The following TMCO4 variants were observed in gnomAD, a reference collection of about 807,000 sequenced individuals.
TMCO4 encodes transmembrane and coiled-coil domain-containing protein 4.
Under a neutral mutation model 64.7 loss-of-function variants are expected in TMCO4, and 58 were observed. The ratio of observed to expected loss-of-function variants is 0.90; its 90% CI spans 0.73 to 1.12. The LOEUF is 1.12. TMCO4 is among the 50% of genes most tolerant of loss of function. The pLI is 0.00. For synonymous variants in TMCO4, 325 were observed against 346.1 expected, an observed-to-expected ratio of 0.94 and a Z score of 0.68; for missense variants, 780 against 825.9, an observed-to-expected ratio of 0.94 and a Z score of 0.68.
intron 4 of TMCO4, among the ~76,000 whole-genome samples, chr1:19,774,354 A>G (rs1018709787): frequency 2.6e-5 from 4 of 152,160 alleles, no homozygotes; most frequent in African/African-American, 9.7e-5. Context: ...CTCTACCATG[A>G]GCTGTGTGAT....
chr1:19,690,517 G>C (rs571790212), intron 15 of TMCO4, among the ~76,000 whole-genome samples: 129 of 152,362 alleles, frequency 8.5e-4, no homozygotes, highest in Admixed American at 2.5e-3. Context: ...TCGGTGTTTG[G>C]AGTGGTCAGC....
rs746922966 is a variant in TMCO4, at chr1:19,734,061, C to T, written c.1264+3311G>A. Reference sequence around the variant, plus strand: ...GTGTGCTGTGTGGTTACTACTACTACTATTATCATCATTATTATTGGAGGG... The same window carrying T: ...GTGTGCTGTGTGGTTACTACTACTATTATTATCATCATTATTATTGGAGGG... On this transcript the variant is annotated intron_variant, in intron 13 of 15. Transcript: ENST00000294543. The surrounding 1 kb of genome is among the most constrained non-coding windows in gnomAD (Gnocchi z 4.4). 6.6e-6 allele frequency among the ~76,000 whole-genome samples: 1 copy of T among 152,152 alleles called. No homozygotes were observed. The highest frequency in any genetic ancestry group is 1.5e-5 in the Non-Finnish European group (1 of 68,030).
In TMCO4 at chr1:19,700,769, T is replaced by G; in HGVS notation, c.1381A>C (p.Arg461=). 3 of 1,613,790 alleles carry G rather than the reference T, an allele frequency of 1.9e-6. No homozygotes were observed. Among genetic ancestry groups the G allele is most frequent in the Non-Finnish European group, 2.5e-6 (3 of 1,179,640 alleles). ...CGCTGGCACGAGGTTTGGACAGACCTGCAGTAGCCGTTGATGATCCTCCCG... is the reference window on the plus strand; with the variant it reads ...CGCTGGCACGAGGTTTGGACAGACCGGCAGTAGCCGTTGATGATCCTCCCG... The part of the protein sequence containing the change: ...VSGRIINGYC[R]GDWLLSFVYR... Residue 461 remains arginine (R), a splice_region_variant and synonymous_variant, in exon 14 of 16, where the codon AGG becomes CGG. Coordinates refer to ENST00000294543, the MANE Select transcript of TMCO4 (RefSeq NM_181719.7).
chr1:19,757,156 T>TG (rs201093840), intron 6 of TMCO4, among the ~76,000 whole-genome samples: 14,419 of 100,556 alleles, frequency 0.14, 1,405 homozygotes, highest in East Asian at 0.32. Context: ...CCAGGCGTGG[T>TG]GGCGGGGGGG....
intron 13 of TMCO4, among the ~76,000 whole-genome samples, chr1:19,733,582 G>A (rs1240177497): frequency 6.6e-6 from 1 of 152,198 alleles, no homozygotes; most frequent in Non-Finnish European, 1.5e-5. Context: ...AATTGCCCAG[G>A]GGAGCTATTT....
intron 6 of TMCO4, 114 bp from the exon 7 acceptor site, chr1:19,755,880 T>C (rs1367173762): frequency 5.8e-6 from 7 of 1,200,722 alleles, no homozygotes; most frequent in South Asian, 2.8e-5. Context: ...TACAACCCCA[T>C]GGGAGCCAGT....
chr1:19,764,631 G>C (rs1156509254), intron 6 of TMCO4, among the ~76,000 whole-genome samples: 2 of 152,146 alleles, frequency 1.3e-5, no homozygotes, highest in Non-Finnish European at 2.9e-5. Flanking sequence ...GGGAGGCCGA[G>C]GCAGGCAGGT....
At chr1:19,741,742 CTTTT>C (rs11404111) in intron 10 of TMCO4, among the ~76,000 whole-genome samples, 2 of 142,206 alleles carry the variant, frequency 1.4e-5, no homozygotes. Flanking sequence ...TTCTTTCTTT[CTTTT>C]TTTTTTTTGA....
At chr1:19,716,774 C>T (rs983638059) in intron 13 of TMCO4, among the ~76,000 whole-genome samples, 1 of 152,114 alleles carries the variant, frequency 6.6e-6, no homozygotes, top group Non-Finnish European at 1.5e-5. Flanking sequence ...GCAAAGGGCC[C>T]GACCTGAAAA....
At chr1:19,746,347 T>C in intron 9 of TMCO4, 109 bp downstream of exon 9, 1 of 1,491,292 alleles carries the variant, frequency 6.7e-7, no homozygotes, top group Non-Finnish European at 9.1e-7. Context: ...CCACGTCTCC[T>C]CTGTCTCCCA....
chr1:19,755,602 G>A (rs2042211335), intron 7 of TMCO4, 32 bp downstream of exon 7: 1 of 1,612,360 alleles, frequency 6.2e-7, no homozygotes, highest in Non-Finnish European at 8.5e-7. Flanking sequence ...GGAAATCCTT[G>A]GATCCTGATG....
At chr1:19,717,228 A>G (rs1386501275) in intron 13 of TMCO4, among the ~76,000 whole-genome samples, 1 of 152,196 alleles carries the variant, frequency 6.6e-6, no homozygotes, top group Non-Finnish European at 1.5e-5. Context: ...TTTTAAAAAG[A>G]GGAATCCAGG....
chr1:19,793,856 G>A (rs1037557038), intron 2 of TMCO4, among the ~76,000 whole-genome samples: 8 of 152,116 alleles, frequency 5.3e-5, no homozygotes, highest in African/African-American at 1.4e-4. Flanking sequence ...ACTGGGTCAC[G>A]CCTCTCCACA....
intron 7 of TMCO4, among the ~76,000 whole-genome samples, chr1:19,754,959 C>T (rs1027024255): frequency 3.3e-5 from 5 of 151,842 alleles, no homozygotes; most frequent in South Asian, 2.1e-4. Context: ...CAAGGCCACC[C>T]GCCCAATGTC....
At chr1:19,789,830 A>G (rs1571056385) in intron 2 of TMCO4, among the ~76,000 whole-genome samples, 1 of 152,056 alleles carries the variant, frequency 6.6e-6, no homozygotes, top group Non-Finnish European at 1.5e-5. Context: ...AGGCAGGTGG[A>G]TCTCTTGAGC....
At chr1:19,710,775 CTG>C (rs2095327188) in intron 13 of TMCO4, among the ~76,000 whole-genome samples, 1 of 152,220 alleles carries the variant, frequency 6.6e-6, no homozygotes, top group South Asian at 2.1e-4. Context: ...ACACACACAC[CTG>C]TGAAGGTGAA....
intron 13 of TMCO4, among the ~76,000 whole-genome samples, chr1:19,703,331 C>G (rs903498231): frequency 1.3e-5 from 2 of 152,036 alleles, no homozygotes; most frequent in Non-Finnish European, 2.9e-5. Context: ...ATGGGAAAAA[C>G]CCCAGCATAG....
intron 7 of TMCO4, among the ~76,000 whole-genome samples, chr1:19,749,726 C>T (rs2041945823): frequency 6.6e-6 from 1 of 152,086 alleles, no homozygotes; most frequent in Admixed American, 6.6e-5. Flanking sequence ...TCTCTATGCC[C>T]CAAAACCAGC....
intron 13 of TMCO4, among the ~76,000 whole-genome samples, chr1:19,702,217 C>T (rs2095277106): frequency 6.6e-6 from 1 of 150,678 alleles, no homozygotes; most frequent in Non-Finnish European, 1.5e-5. Flanking sequence ...GATCCGCCTG[C>T]CTCAGCCTCC....
Sources: gnomAD v4.1 joint callset for allele counts (sites outside exome capture counted in the v4.1 genomes callset) on GRCh38, gnomAD v4.1.1 for gene constraint, Gnocchi (gnomAD v3.1) non-coding constraint, MANE v1.5 for transcripts, NCBI Gene and HGNC (gene_info 2026-07-23, HGNC 2026-07-21) for gene names.